C19orf44: variants seen among roughly 807,000 people sequenced by gnomAD.
The protein encoded by C19orf44 is chromosome 19 open reading frame 44.
Under a neutral mutation model 50.7 loss-of-function variants are expected in C19orf44, and 43 were observed. The observed-to-expected ratio is 0.85, with a 90% CI of 0.66 to 1.09. The LOEUF (loss-of-function observed/expected upper bound fraction) is 1.09, where lower values mean the gene tolerates loss of function less well. Ranked by LOEUF, C19orf44 falls within the 50% of genes least tolerant of loss-of-function variation. The probability of loss-of-function intolerance (pLI) is 0.00; values close to 1 mark genes in which losing one functional copy is unlikely to be tolerated. For missense variants in C19orf44, 722 were observed against 836.2 expected, an observed-to-expected ratio of 0.86 and a Z score of 1.68; for synonymous variants, 298 against 334.7, an observed-to-expected ratio of 0.89 and a Z score of 1.20.
At chr19:16,510,018 C>A in intron 5 of C19orf44, 30 bp downstream of exon 5, 4 of 1,613,968 alleles carry the variant, frequency 2.5e-6, no homozygotes, top group Non-Finnish European at 3.4e-6. Flanking sequence ...GGGGCCGGGG[C>A]AGCCGGGACA....
intron 3 of C19orf44, 91 bp downstream of exon 3, chr19:16,503,471 C>A: frequency 7.5e-7 from 1 of 1,341,202 alleles, no homozygotes; most frequent in Non-Finnish European, 1.0e-6. Context: ...TGGGGCATTG[C>A]CACAGGCAGG....
At position 16,520,328 on chromosome 19, in the gene C19orf44, G is replaced by A. The variant is rs1233757026; in HGVS notation, c.*275G>A. The A allele has an allele frequency of 2.5e-6, 4 of 1,611,472 alleles. No individual in the cohort carries two copies. The highest frequency in any genetic ancestry group is 2.7e-5 in the African/African-American group (2 of 74,848). The stretch of plus-strand genomic sequence containing the variant: ...GCGTCGTGGGGAGGCCACAGGAAGA[G>A]GCCTCAGGCACTGCCCTGAGGCAGC... On this transcript the variant is annotated 3_prime_UTR_variant, in exon 9 of 9. Coordinates refer to ENST00000221671, the MANE Select transcript of C19orf44 (RefSeq NM_032207.4). The surrounding 1 kb of genome is among the most constrained non-coding windows in gnomAD (Gnocchi z 4.0).
In C19orf44 at chr19:16,503,260, G is replaced by A. The variant is rs1282625596; in HGVS notation, c.955G>A (p.Ala319Thr). 7 of 1,613,942 alleles carry A rather than the reference G, an allele frequency of 4.3e-6. No homozygotes were observed. Among genetic ancestry groups the A allele is most frequent in the South Asian group, 1.1e-5 (1 of 91,088 alleles). Residue 319 changes from alanine (A) to threonine (T), a missense_variant, in exon 3 of 9, where the codon GCC becomes ACC. Coordinates refer to ENST00000221671, the MANE Select transcript of C19orf44 (RefSeq NM_032207.4). ...SHTPSVSITG[A>T]FSNSVSLKMG... ...CACGCCGTCAGTTTCCATCACAGGCGCCTTTTCAAACTCAGTGTCTTTAAA... is the reference window on the plus strand; with the variant it reads ...CACGCCGTCAGTTTCCATCACAGGCACCTTTTCAAACTCAGTGTCTTTAAA...
At chr19:16,508,898 A>G (rs764229645) in intron 4 of C19orf44, among the ~76,000 whole-genome samples, 1 of 151,086 alleles carries the variant, frequency 6.6e-6, no homozygotes, top group Non-Finnish European at 1.5e-5. Context: ...TCAGCTCACC[A>G]TAACCTCTGC....
chr19:16,497,681 A>C (rs1301373806), intron 1 of C19orf44, among the ~76,000 whole-genome samples: 1 of 152,010 alleles, frequency 6.6e-6, no homozygotes, highest in Non-Finnish European at 1.5e-5. Context: ...TGTATTTGAG[A>C]TTCCTGCGTG....
At chr19:16,508,819 G>C (rs1459248513) in intron 4 of C19orf44, among the ~76,000 whole-genome samples, 2 of 150,754 alleles carry the variant, frequency 1.3e-5, no homozygotes, top group Non-Finnish European at 3.0e-5. Flanking sequence ...ATCAGTCCAT[G>C]ATGAAATGTT....
rs748650371 is a variant in C19orf44 at position 16,520,210 on chromosome 19, G to A, written c.*157G>A. 2.5e-6 allele frequency: 4 copies of A among 1,613,356 alleles called. No individual in the cohort carries two copies. Among genetic ancestry groups the A allele is most frequent in the Admixed American group, 1.7e-5 (1 of 60,010 alleles). On this transcript the variant is annotated 3_prime_UTR_variant, in exon 9 of 9. Coordinates refer to ENST00000221671, the MANE Select transcript of C19orf44 (RefSeq NM_032207.4). This position sits in a 1 kb window ranked among gnomAD's most constrained non-coding sequence, Gnocchi z 4.0. ...CTTCCTGGGGAGTACGACTTGGACC[G>A]GGACCGCGACTGGGACCGGGAGCGG...
intron 2 of C19orf44, among the ~76,000 whole-genome samples, chr19:16,502,824 CAAA>C (rs200824240): frequency 8.1e-6 from 1 of 122,892 alleles, no homozygotes. Flanking sequence ...CCCATTCCTA[CAAA>C]AAAAAAAAAA....
intron 4 of C19orf44, 43 bp downstream of exon 4, chr19:16,506,817 C>A: frequency 7.0e-7 from 1 of 1,428,846 alleles, no homozygotes; most frequent in Non-Finnish European, 9.6e-7. Context: ...TTGTTTTTGG[C>A]TTCAACATTT....
chr19:16,497,953 A>C (rs2093414708), intron 1 of C19orf44, among the ~76,000 whole-genome samples: 1 of 151,968 alleles, frequency 6.6e-6, no homozygotes, highest in Non-Finnish European at 1.5e-5. Flanking sequence ...TGTTTCTACA[A>C]AAAGTTAGCT....
intron 7 of C19orf44, among the ~76,000 whole-genome samples, chr19:16,515,637 C>A (rs2093469401): frequency 6.6e-6 from 1 of 151,960 alleles, no homozygotes; most frequent in Non-Finnish European, 1.5e-5. Flanking sequence ...TCAAGCGATT[C>A]TTCTACCTCA....
chr19:16,519,416 G>A lies in C19orf44; in HGVS notation c.*41-678G>A, dbSNP rs1665238655. ...AGGCAGATGGGGGTGCACGTGGGGGGCTGAATGTCCAGACAGGCAGTGTAG... is the reference window on the plus strand; with the variant it reads ...AGGCAGATGGGGGTGCACGTGGGGGACTGAATGTCCAGACAGGCAGTGTAG... On this transcript the variant is annotated intron_variant, in intron 8 of 8. Transcript: ENST00000221671. The surrounding 1 kb of genome is among the most constrained non-coding windows in gnomAD (Gnocchi z 6.0). 5 of 1,514,492 alleles carry A rather than the reference G, an allele frequency of 3.3e-6. No individual in the cohort carries two copies. The East Asian group carries it at 6.8e-5, about 21-fold the overall frequency. The allele number at this position is 1,514,492 out of a possible 1,614,324, so 93.8% of individuals were successfully genotyped here. A position where few individuals can be genotyped will look rare whatever the true frequency, so the allele number is the denominator to read the frequency against.
Position 16,514,695 on chromosome 19 carries a change from G to A in C19orf44, c.1902+32G>A, listed in dbSNP as rs1329503003. On this transcript the variant is annotated intron_variant, in intron 7 of 8. Coordinates refer to ENST00000221671, the MANE Select transcript of C19orf44 (RefSeq NM_032207.4). The stretch of plus-strand genomic sequence containing the variant: ...GCAGCTCCCCATGGGCAGGGGCAGG[G>A]CAGTAGGGGAGCGGCAGCTCCCAGA... 3 of 1,505,870 alleles carry A rather than the reference G, an allele frequency of 2.0e-6. No individual in the cohort carries two copies. The South Asian group carries it at 3.8e-5, about 19-fold the overall frequency. 93.3% of individuals were successfully genotyped at this position (1,505,870 alleles called of 1,614,324 possible). A position where few individuals can be genotyped will look rare whatever the true frequency, so the allele number is the denominator to read the frequency against.
rs1345868800 is a variant in C19orf44, at chr19:16,520,001, T to C, written c.*41-93T>C. 1.2e-6 allele frequency: 1 copy of C among 846,298 alleles called. No individual in the cohort carries two copies. Among genetic ancestry groups the C allele is most frequent in the Non-Finnish European group, 1.9e-6 (1 of 531,850 alleles). 52.4% of individuals were successfully genotyped at this position (846,298 alleles called of 1,614,324 possible). On this transcript the variant is annotated intron_variant, in intron 8 of 8. Coordinates refer to ENST00000221671, the MANE Select transcript of C19orf44 (RefSeq NM_032207.4). The surrounding 1 kb of genome is among the most constrained non-coding windows in gnomAD (Gnocchi z 4.0). ...GCCTCAGGCTTCGCCAAGTGGCTACTGTGGTGAAGGGTGAGGGGTGCCACT... is the reference window on the plus strand; with the variant it reads ...GCCTCAGGCTTCGCCAAGTGGCTACCGTGGTGAAGGGTGAGGGGTGCCACT...
At position 16,500,988 on chromosome 19, in the gene C19orf44, G is replaced by C. The variant is rs1478760291; in HGVS notation, c.196G>C (p.Glu66Gln). Residue 66 changes from glutamate to glutamine, a missense_variant, in exon 2 of 9, where the codon GAG (glutamate) becomes CAG (glutamine). Physicochemically the swap from Glu to Gln is conservative, Grantham distance 29. Coordinates refer to ENST00000221671, the MANE Select transcript of C19orf44 (RefSeq NM_032207.4). ...TLDEKHLLLK[E>Q]NPVLGSGPRL... The stretch of plus-strand genomic sequence containing the variant: ...AGATGAGAAACACTTACTCCTGAAA[G>C]AGAACCCTGTGCTCGGGAGTGGACC... 1 of 1,613,682 alleles carries C rather than the reference G, an allele frequency of 6.2e-7. No homozygotes were observed. Among genetic ancestry groups the C allele is most frequent in the African/African-American group, 1.3e-5 (1 of 74,956 alleles).
intron 5 of C19orf44, among the ~76,000 whole-genome samples, chr19:16,510,473 G>A (rs965618791): frequency 1.3e-5 from 2 of 152,060 alleles, no homozygotes; most frequent in African/African-American, 2.4e-5. Flanking sequence ...AGCCGCCCTC[G>A]TGTGTCCCGA....
At chr19:16,518,571 T>A (rs189359327) in intron 8 of C19orf44, 14 of 153,138 alleles carry the variant, frequency 9.1e-5, no homozygotes, top group African/African-American at 3.4e-4. Context: ...TTTCTAGACC[T>A]AAACCAAGGA....
chr19:16,501,293 C>G lies in C19orf44; in HGVS notation c.501C>G (p.Asn167Lys). ...ELPVTENNAQNAKVSRFLKKK... is the reference protein window; with the variant it reads ...ELPVTENNAQKAKVSRFLKKK... ...CTGTCACCGAAAATAATGCACAGAA[C>G]GCGAAGGTCAGTAGGTTTCTAAAGA... Residue 167 changes from asparagine to lysine, a missense_variant, in exon 2 of 9, where the codon AAC becomes AAG. Physicochemically the swap from Asn to Lys is moderately conservative, Grantham distance 94. Transcript: ENST00000221671. 1.2e-6 allele frequency: 2 copies of G among 1,614,086 alleles called. No homozygotes were observed. Among genetic ancestry groups the G allele is most frequent in the East Asian group, 2.2e-5 (1 of 44,884 alleles).
chr19:16,498,830 C>T (rs2093417042), intron 1 of C19orf44, among the ~76,000 whole-genome samples: 1 of 151,880 alleles, frequency 6.6e-6, no homozygotes, highest in Non-Finnish European at 1.5e-5. Context: ...ACCACCGCGC[C>T]CGGCTAATTT....
Sources: allele counts gnomAD v4.1 joint callset (sites outside exome capture counted in the v4.1 genomes callset), GRCh38; gene constraint gnomAD v4.1.1; non-coding constraint Gnocchi (gnomAD v3.1); transcripts MANE v1.5; gene names NCBI Gene and HGNC (gene_info 2026-07-23, HGNC 2026-07-21).